LHX9: variants seen among roughly 807,000 people sequenced by gnomAD.
The protein encoded by LHX9 is LIM homeobox 9.
Under a neutral mutation model 36.5 loss-of-function variants are expected in LHX9, and 9 were observed. The ratio of observed to expected loss-of-function variants is 0.25; its 90% CI spans 0.15 to 0.43. The LOEUF is 0.43. LHX9 is among the 20% of genes least tolerant of loss of function. The pLI is 1.00. For missense variants in LHX9, 464 were observed against 526.4 expected (o/e 0.88, Z 1.16); for synonymous variants, 211 against 212.1 (o/e 0.99, Z 0.04).
Position 197,935,405 on chromosome 1 carries a change from T to C in LHX9, c.*6146T>C, listed in dbSNP as rs1660425776. 1 of 152,224 alleles carries C rather than the reference T, an allele frequency of 6.6e-6. No homozygotes were observed. Among genetic ancestry groups the C allele is most frequent in the Admixed American group, 6.5e-5 (1 of 15,280 alleles). 9.4% of individuals were successfully genotyped at this position (152,224 alleles called of 1,614,324 possible). A position where few individuals can be genotyped will look rare whatever the true frequency, so the allele number is the denominator to read the frequency against. The stretch of plus-strand genomic sequence containing the variant: ...AACTTTCTGTTTACATTTTGCATGA[T>C]CTTATAAATTAACCTGAAGAGTAAT... On this transcript the variant is annotated 3_prime_UTR_variant, in exon 5 of 5. Transcript: ENST00000367387.
At position 197,929,386 on chromosome 1, in the gene LHX9, A is replaced by G. The variant is rs2102603567; in HGVS notation, c.*127A>G. On this transcript the variant is annotated 3_prime_UTR_variant, in exon 5 of 5. Transcript: ENST00000367387. ...CCCACAAGATATTTGGGGAATAAAA[A>G]TAACAGCTTGGTGTGTAGCATCTGC... 6.7e-6 allele frequency: 8 copies of G among 1,187,762 alleles called. No individual in the cohort carries two copies. The highest frequency in any genetic ancestry group is 8.3e-6 in the Non-Finnish European group (8 of 965,062). 73.6% of individuals were successfully genotyped at this position (1,187,762 alleles called of 1,614,324 possible). A position where few individuals can be genotyped will look rare whatever the true frequency, so the allele number is the denominator to read the frequency against.
upstream of LHX9, chr1:197,916,690 C>A: frequency 1.4e-6 from 1 of 702,902 alleles, no homozygotes; most frequent in Non-Finnish European, 2.6e-6. Context: ...TGCAGACGCT[C>A]CAAACGCCCT....
intron 4 of LHX9, 128 bp downstream of exon 4, chr1:197,927,921 C>A: frequency 2.2e-6 from 2 of 899,514 alleles, no homozygotes; most frequent in Non-Finnish European, 3.4e-6. Context: ...TCTTAGCTAT[C>A]TCCCTAGAGG....
chr1:197,920,794 C>G (rs1007085091), intron 2 of LHX9, among the ~76,000 whole-genome samples: 2 of 152,176 alleles, frequency 1.3e-5, no homozygotes, highest in Non-Finnish European at 2.9e-5. Context: ...TGCAGGTGAC[C>G]TAGTTCCGCT....
upstream of LHX9, chr1:197,916,413 G>A (rs4147202): frequency 0.23 from 114,738 of 501,200 alleles, 14,903 homozygotes; most frequent in East Asian, 0.47. Context: ...CAGGGTAGTG[G>A]GAGAAGCACG....
At chr1:197,915,732 C>T (rs1317466320), upstream of LHX9, 2 of 152,202 alleles carry the variant, frequency 1.3e-5, no homozygotes, top group African/African-American at 4.8e-5. Flanking sequence ...AGAGGTCACT[C>T]CAGGAGCCTC....
intron 3 of LHX9, among the ~76,000 whole-genome samples, chr1:197,922,271 T>C (rs1660017318): frequency 6.6e-6 from 1 of 152,170 alleles, no homozygotes; most frequent in South Asian, 2.1e-4. Context: ...AGCCGTCTCA[T>C]TCCCGGTGTG....
chr1:197,916,878 A>T (rs1383216090), upstream of LHX9: 1 of 662,988 alleles, frequency 1.5e-6, no homozygotes, highest in African/African-American at 1.8e-5. Flanking sequence ...CTCAATATTT[A>T]TGCATTTCGG....
chr1:197,917,172 C>T (rs917450869), upstream of LHX9: 67 of 952,970 alleles, frequency 7.0e-5, no homozygotes, highest in Non-Finnish European at 7.6e-5. Flanking sequence ...CTCCTCCTGC[C>T]TCCCCGCTCT....
chr1:197,929,111 A>G lies in LHX9; in HGVS notation c.1046A>G (p.Asp349Gly), dbSNP rs1310752421. The change falls in exon 5 of 5, where the codon GAC (aspartate) becomes GGC (glycine). Residue 349 changes from aspartate (D) to glycine (G), a missense_variant. Coordinates refer to ENST00000367387, the MANE Select transcript of LHX9 (RefSeq NM_020204.3). Reference sequence around the variant, plus strand: ...TCGCTTCCGGCCCCGCCCTCAGCAGACAGCGGAGCTCTCACTCCACCCGGC... The same window carrying G: ...TCGCTTCCGGCCCCGCCCTCAGCAGGCAGCGGAGCTCTCACTCCACCCGGC... ...GTSLPAPPSA[D>G]SGALTPPGTA... 6.2e-7 allele frequency: 1 copy of G among 1,613,748 alleles called. No homozygotes were observed.
upstream of LHX9, chr1:197,916,762 G>A: frequency 1.4e-6 from 1 of 703,016 alleles, no homozygotes; most frequent in Non-Finnish European, 2.6e-6. Flanking sequence ...GTGAGGCAAA[G>A]AGATGAATTG....
chr1:197,932,452 A>G lies in LHX9; in HGVS notation c.*3193A>G, dbSNP rs1660352741. ...AGTAATTTTAGCATTATTGTTTATC[A>G]CTTCCTTTTTAAACAGAAATCTCTG... On this transcript the variant is annotated 3_prime_UTR_variant, in exon 5 of 5. Coordinates refer to ENST00000367387, the MANE Select transcript of LHX9 (RefSeq NM_020204.3). 1 of 152,600 alleles carries G rather than the reference A, an allele frequency of 6.6e-6. No homozygotes were observed. The highest frequency in any genetic ancestry group is 2.4e-5 in the African/African-American group (1 of 41,440). The allele number at this position is 152,600 out of a possible 1,614,324, so 9.5% of individuals were successfully genotyped here.
rs766428867 is a variant in LHX9 at position 197,927,719 on chromosome 1, A to G, written c.862A>G (p.Ile288Val). The change falls in exon 4 of 5, where the codon ATC becomes GTC. Residue 288 changes from isoleucine to valine, a missense_variant. Physicochemically the swap from Ile to Val is conservative, Grantham distance 29. Around this residue, in one of 5 missense-constraint regions of LHX9, gnomAD observed 20 missense variants for 67.0 expected, o/e 0.30. Transcript: ENST00000367387. Reference sequence around the variant, plus strand: ...CCGGACCATGAAATCCTACTTTGCCATCAACCACAACCCGGATGCCAAGGA... The same window carrying G: ...CCGGACCATGAAATCCTACTTTGCCGTCAACCACAACCCGGATGCCAAGGA... Reference protein sequence around the residue: ...QLRTMKSYFAINHNPDAKDLK... With the variant: ...QLRTMKSYFAVNHNPDAKDLK... 2 of 1,614,220 alleles carry G rather than the reference A, an allele frequency of 1.2e-6. No homozygotes were observed. The highest frequency in any genetic ancestry group is 1.7e-6 in the Non-Finnish European group (2 of 1,180,038).
rs1659812683 is a variant in LHX9, at chr1:197,917,707, C to T, written c.-117C>T. On this transcript the variant is annotated 5_prime_UTR_variant, in exon 1 of 5. Coordinates refer to ENST00000367387, the MANE Select transcript of LHX9 (RefSeq NM_020204.3). ...ATTTCCACTCCATCTGTTTCTTCTC[C>T]TCCTTTCTCTCCCTCTTTCCCTCCA... 1.3e-6 allele frequency: 2 copies of T among 1,584,376 alleles called. No individual in the cohort carries two copies. Among genetic ancestry groups the T allele is most frequent in the African/African-American group, 1.4e-5 (1 of 73,004 alleles).
At chr1:197,916,074 GGAAGGAACA>G (rs1264477739), upstream of LHX9, 1 of 152,468 alleles carries the variant, frequency 6.6e-6, no homozygotes, top group Non-Finnish European at 1.5e-5. Flanking sequence ...CGAAGGGGAC[GGAAGGAACA>G]GAGAGCGGCC....
Position 197,930,286 on chromosome 1 carries a change from T to G in LHX9, c.*1027T>G, listed in dbSNP as rs1660291327. On this transcript the variant is annotated 3_prime_UTR_variant, in exon 5 of 5. Transcript: ENST00000367387. The stretch of plus-strand genomic sequence containing the variant: ...TTGTTTTATTTTATTTTGACATAGG[T>G]TGACTTATGTATTGAAAATAATTTT... 6.3e-6 allele frequency: 1 copy of G among 158,736 alleles called. No homozygotes were observed. The highest frequency in any genetic ancestry group is 2.4e-5 in the African/African-American group (1 of 41,568). 9.8% of individuals were successfully genotyped at this position (158,736 alleles called of 1,614,324 possible). A position where few individuals can be genotyped will look rare whatever the true frequency, so the allele number is the denominator to read the frequency against.
upstream of LHX9, chr1:197,912,612 G>T: frequency 1.3e-6 from 2 of 1,559,502 alleles, no homozygotes; most frequent in Non-Finnish European, 1.8e-6. Flanking sequence ...GGGCCAGTGC[G>T]TATACCATGT....
chr1:197,921,633 G>A lies in LHX9; in HGVS notation c.707G>A (p.Gly236Glu). The change falls in exon 3 of 5, where the codon GGA becomes GAA. Residue 236 changes from glycine to glutamate, a missense_variant. Coordinates refer to ENST00000367387, the MANE Select transcript of LHX9 (RefSeq NM_020204.3). This position sits in a 1 kb window ranked among gnomAD's most constrained non-coding sequence, Gnocchi z 4.6. ...RPRKRKSPAL[G>E]VDIVNYNSGC... ...CGGAAGCGGAAGAGCCCAGCGCTGG[G>A]AGTGGACATCGTCAATTACAACTCA... is the stretch of plus-strand genomic sequence containing the variant. 3.1e-6 allele frequency: 5 copies of A among 1,594,586 alleles called. No homozygotes were observed. The highest frequency in any genetic ancestry group is 4.3e-6 in the Non-Finnish European group (5 of 1,173,502).
At chr1:197,918,410 G>C in intron 1 of LHX9, 1 of 716,806 alleles carries the variant, frequency 1.4e-6, no homozygotes, top group Non-Finnish European at 2.6e-6. Context: ...CCAAGCAGGA[G>C]CCCAGGTGGC....
Sources: gnomAD v4.1 joint callset for allele counts (sites outside exome capture counted in the v4.1 genomes callset) on GRCh38, gnomAD v4.1.1 for gene constraint, gnomAD v4.1.1 regional missense constraint, Gnocchi (gnomAD v3.1) non-coding constraint, MANE v1.5 for transcripts, NCBI Gene and HGNC (gene_info 2026-07-23, HGNC 2026-07-21) for gene names.